SEMA3C: variants seen among roughly 807,000 people sequenced by gnomAD.
SEMA3C encodes semaphorin 3C, also known as semaphorin-3C.
In SEMA3C, 47 loss-of-function variants were observed where a neutral mutation model predicts 89.4. The ratio of observed to expected loss-of-function variants is 0.53; its 90% confidence interval spans 0.42 to 0.67. The LOEUF is 0.67. Ranked by LOEUF, SEMA3C falls within the 30% of genes least tolerant of loss-of-function variation. SEMA3C has a pLI of 0.00. For synonymous variants in SEMA3C, 310 were observed against 320.2 expected, an observed-to-expected ratio of 0.97 and a Z score of 0.34; for missense variants, 839 against 929.1, an observed-to-expected ratio of 0.90 and a Z score of 1.26.
At chr7:80,784,486 G>T (rs1788758615) in intron 12 of SEMA3C, among the ~76,000 whole-genome samples, 1 of 151,612 alleles carries the variant, frequency 6.6e-6, no homozygotes, top group South Asian at 2.1e-4. Flanking sequence ...GATAAAAGAA[G>T]AAATATTAAT....
intron 15 of SEMA3C, among the ~76,000 whole-genome samples, chr7:80,754,957 G>GTTTTTTTTTTTTTTTTTTTTTTTTTTTT (rs1368382376): frequency 9.2e-6 from 1 of 108,364 alleles, no homozygotes; most frequent in Non-Finnish European, 1.9e-5. Context: ...GTTTTTTTTT[G>GTTTTTTTTTTTTTTTTTTTTTTTTTTTT]TTTTTTTTTT....
intron 12 of SEMA3C, among the ~76,000 whole-genome samples, chr7:80,788,756 G>A (rs1479148402): frequency 6.6e-6 from 1 of 152,112 alleles, no homozygotes; most frequent in Non-Finnish European, 1.5e-5. Flanking sequence ...TATTGAGTAT[G>A]TTATCTGTCA....
intron 2 of SEMA3C, among the ~76,000 whole-genome samples, chr7:80,909,634 T>C (rs1792097612): frequency 6.6e-6 from 1 of 152,110 alleles, no homozygotes; most frequent in Non-Finnish European, 1.5e-5. Context: ...GATTTTTCAC[T>C]CTAAGGCAAT....
At chr7:80,843,120 A>C (rs1384615036) in intron 2 of SEMA3C, among the ~76,000 whole-genome samples, 1 of 152,132 alleles carries the variant, frequency 6.6e-6, no homozygotes, top group Non-Finnish European at 1.5e-5. Flanking sequence ...AGAAGTAATA[A>C]GTTCTAATGC....
At chr7:80,883,301 AT>A (rs999892741) in intron 2 of SEMA3C, among the ~76,000 whole-genome samples, 4 of 152,124 alleles carry the variant, frequency 2.6e-5, no homozygotes, top group Admixed American at 2.0e-4. Flanking sequence ...CACACATGGA[AT>A]TTAGATTCTG....
At chr7:80,765,455 T>C (rs532300512) in intron 12 of SEMA3C, among the ~76,000 whole-genome samples, 2 of 152,196 alleles carry the variant, frequency 1.3e-5, no homozygotes, top group Non-Finnish European at 2.9e-5. Flanking sequence ...ATGAATATCT[T>C]ATATTTTGCA....
Position 80,779,675 on chromosome 7 carries a change from T to A in SEMA3C, c.1354+9631A>T, listed in dbSNP as rs550680445. 1.0e-3 allele frequency among the ~76,000 whole-genome samples: 153 copies of A among 152,350 alleles called. 2 individuals are homozygous for A. Among genetic ancestry groups the A allele is most frequent in the African/African-American group, 3.5e-3 (145 of 41,584 alleles). On this transcript the variant is annotated intron_variant, in intron 12 of 17. Coordinates refer to ENST00000265361, the MANE Select transcript of SEMA3C (RefSeq NM_006379.5). ...TGTATGGGTCATGGCTGACACACTC[T>A]TAGGTGACCCTTAATGAGTCATGCT...
rs1214153119 is a variant in SEMA3C at position 80,744,218 on chromosome 7, C to A, written c.*676G>T. ...AAACCAAACTGCTTCACTGATATAA[C>A]TCCCACCAAATATCTTCATGGGGTA... On this transcript the variant is annotated 3_prime_UTR_variant, in exon 18 of 18. Transcript: ENST00000265361. 1 of 152,142 alleles carries A rather than the reference C, an allele frequency of 6.6e-6. No homozygotes were observed. Among genetic ancestry groups the A allele is most frequent in the Non-Finnish European group, 1.5e-5 (1 of 68,046 alleles). 9.4% of individuals were successfully genotyped at this position (152,142 alleles called of 1,614,324 possible).
chr7:80,874,511 G>C (rs1224162463), intron 2 of SEMA3C, among the ~76,000 whole-genome samples: 1 of 150,330 alleles, frequency 6.7e-6, no homozygotes, highest in Non-Finnish European at 1.5e-5. Context: ...TTGTTGCCCA[G>C]GCTGGAGTGC....
chr7:80,887,302 A>G (rs1419706536), intron 2 of SEMA3C, among the ~76,000 whole-genome samples: 2 of 152,242 alleles, frequency 1.3e-5, no homozygotes, highest in African/African-American at 4.8e-5. Flanking sequence ...TAACAGAAAT[A>G]GTATGAGGAA....
intron 13 of SEMA3C, among the ~76,000 whole-genome samples, chr7:80,762,303 A>T (rs1235924251): frequency 6.6e-6 from 1 of 152,082 alleles, no homozygotes; most frequent in Non-Finnish European, 1.5e-5. Flanking sequence ...ATAAGACACT[A>T]TTGTTCACCT....
At chr7:80,791,443 A>G (rs1788938531) in intron 11 of SEMA3C, among the ~76,000 whole-genome samples, 1 of 152,164 alleles carries the variant, frequency 6.6e-6, no homozygotes, top group Non-Finnish European at 1.5e-5. Context: ...AACACACAGC[A>G]CTATCGTGTT....
intron 2 of SEMA3C, among the ~76,000 whole-genome samples, chr7:80,853,887 T>C (rs912526139): frequency 2.7e-5 from 4 of 147,850 alleles, no homozygotes; most frequent in African/African-American, 5.2e-5. Context: ...ATGTACCCCA[T>C]ATATATGTGT....
intron 12 of SEMA3C, among the ~76,000 whole-genome samples, chr7:80,773,408 T>C (rs747009600): frequency 2.0e-5 from 3 of 152,132 alleles, no homozygotes; most frequent in Non-Finnish European, 4.4e-5. Flanking sequence ...GGTAGAAACG[T>C]AATCAGGAAA....
chr7:80,900,226 G>A (rs1054430461), intron 2 of SEMA3C, among the ~76,000 whole-genome samples: 5 of 151,626 alleles, frequency 3.3e-5, no homozygotes, highest in Non-Finnish European at 5.9e-5. Flanking sequence ...CCATTCTCCC[G>A]CCTCAGCCTC....
intron 10 of SEMA3C, among the ~76,000 whole-genome samples, chr7:80,800,406 C>A (rs1394363288): frequency 1.3e-5 from 2 of 152,080 alleles, no homozygotes; most frequent in Non-Finnish European, 2.9e-5. Context: ...ACATTTATTA[C>A]CTCTGATAAC....
intron 5 of SEMA3C, among the ~76,000 whole-genome samples, chr7:80,814,389 T>C (rs1171637629): frequency 1.3e-5 from 2 of 152,096 alleles, no homozygotes; most frequent in African/African-American, 4.8e-5. Flanking sequence ...CGCCCAGCCC[T>C]GCCTGTTCTT....
intron 5 of SEMA3C, among the ~76,000 whole-genome samples, chr7:80,815,394 AAGGCATAG>A (rs1303084519): frequency 6.6e-6 from 1 of 151,998 alleles, no homozygotes; most frequent in East Asian, 1.9e-4. Flanking sequence ...AGGATGAATA[AAGGCATAG>A]AGATTAGGAG....
chr7:80,866,226 G>A (rs1258600671), intron 2 of SEMA3C, among the ~76,000 whole-genome samples: 1 of 152,074 alleles, frequency 6.6e-6, no homozygotes, highest in East Asian at 1.9e-4. Flanking sequence ...TAAGTAATTT[G>A]TCAAGATTAT....
Sources: gnomAD v4.1 joint callset for allele counts (sites outside exome capture counted in the v4.1 genomes callset) on GRCh38, gnomAD v4.1.1 for gene constraint, MANE v1.5 for transcripts, NCBI Gene and HGNC (gene_info 2026-07-23, HGNC 2026-07-21) for gene names.